Variants in P4HB observed in about 807,000 individuals in gnomAD.
The protein encoded by P4HB is protein disulfide-isomerase.
In P4HB, 20 loss-of-function variants were observed where a neutral mutation model predicts 52.6. The ratio of observed to expected loss-of-function variants is 0.38; its 90% CI spans 0.27 to 0.55. P4HB has a LOEUF of 0.55. P4HB is among the 20% of genes least tolerant of loss of function. The pLI, the probability that P4HB is intolerant of heterozygous loss-of-function variation, is 0.74. For synonymous variants in P4HB, 296 were observed against 277.9 expected, an observed-to-expected ratio of 1.07 and a Z score of -0.65; for missense variants, 601 against 669.2, an observed-to-expected ratio of 0.90 and a Z score of 1.12.
chr17:81,846,354 G>T lies in P4HB; in HGVS notation c.1056+75C>A. On this transcript the variant is annotated intron_variant, in intron 7 of 10. Transcript: ENST00000331483. The surrounding 1 kb of genome is among the most constrained non-coding windows in gnomAD (Gnocchi z 5.7). ...ATCTTACTTTGAGGACGAAGCCCAG[G>T]ACACTGAGAGCCCAGAGACCCCAAG... 7.4e-7 allele frequency: 1 copy of T among 1,345,406 alleles called. No homozygotes were observed. The allele number at this position is 1,345,406 out of a possible 1,614,324, so 83.3% of individuals were successfully genotyped here.
In P4HB at chr17:81,855,623, G is replaced by A; in HGVS notation, c.353-37C>T. On this transcript the variant is annotated intron_variant, in intron 2 of 10. Coordinates refer to ENST00000331483, the MANE Select transcript of P4HB (RefSeq NM_000918.4). The surrounding 1 kb of genome is among the most constrained non-coding windows in gnomAD (Gnocchi z 4.3). ...CAAATGTAGGTTCTACTCTCAAACA[G>A]GGAGTGCCGCCTGCCCTGCCGCGCC... 1.9e-6 allele frequency: 3 copies of A among 1,595,360 alleles called. No homozygotes were observed. The highest frequency in any genetic ancestry group is 1.7e-6 in the Non-Finnish European group (2 of 1,168,744).
Position 81,846,201 on chromosome 17 carries a change from G to A in P4HB, c.1057-210C>T, listed in dbSNP as rs1208490004. 1.3e-5 allele frequency among the ~76,000 whole-genome samples: 2 copies of A among 152,222 alleles called. No homozygotes were observed. The highest frequency in any genetic ancestry group is 6.5e-5 in the Admixed American group (1 of 15,284). On this transcript the variant is annotated intron_variant, in intron 7 of 10. Transcript: ENST00000331483. This position sits in a 1 kb window ranked among gnomAD's most constrained non-coding sequence, Gnocchi z 5.7. ...AGCCCACGCAGGCCGCACCCTCGCC[G>A]GCCAGGAGGTTTCCCTGAGGAGCAT...
intron 4 of P4HB, among the ~76,000 whole-genome samples, chr17:81,852,558 A>G (rs1163162089): frequency 1.3e-5 from 2 of 152,266 alleles, no homozygotes; most frequent in African/African-American, 4.8e-5. Flanking sequence ...GCTGCCTGCA[A>G]CGACCACGTT....
At chr17:81,857,251 G>A (rs1228052973) in intron 2 of P4HB, among the ~76,000 whole-genome samples, 1 of 152,094 alleles carries the variant, frequency 6.6e-6, no homozygotes, top group Non-Finnish European at 1.5e-5. Context: ...AGGTTCAAGG[G>A]ATTCTCCTGT....
chr17:81,846,264 C>T lies in P4HB; in HGVS notation c.1056+165G>A. ...TGTGGACAAGAGGGCTCCTACAGGTCCCCAAAGGTGTGACAAGAATGGTGG... is the reference window on the plus strand; with the variant it reads ...TGTGGACAAGAGGGCTCCTACAGGTTCCCAAAGGTGTGACAAGAATGGTGG... On this transcript the variant is annotated intron_variant, in intron 7 of 10. Coordinates refer to ENST00000331483, the MANE Select transcript of P4HB (RefSeq NM_000918.4). This position sits in a 1 kb window ranked among gnomAD's most constrained non-coding sequence, Gnocchi z 5.7. 2 of 729,158 alleles carry T rather than the reference C, an allele frequency of 2.7e-6. No homozygotes were observed. The highest frequency in any genetic ancestry group is 4.5e-6 in the Non-Finnish European group (2 of 444,310). The allele number at this position is 729,158 out of a possible 1,614,324, so 45.2% of individuals were successfully genotyped here.
chr17:81,855,331 G>A lies in P4HB; in HGVS notation c.487-52C>T, dbSNP rs2038896103. ...CGTCATGATCCCGCAGCACCAAGCA[G>A]TAGGGCAGACCCTGTAGAGCCCAGG... On this transcript the variant is annotated intron_variant, in intron 3 of 10. Coordinates refer to ENST00000331483, the MANE Select transcript of P4HB (RefSeq NM_000918.4). This position sits in a 1 kb window ranked among gnomAD's most constrained non-coding sequence, Gnocchi z 4.3. 2.5e-6 allele frequency: 4 copies of A among 1,611,962 alleles called. No individual in the cohort carries two copies. The highest frequency in any genetic ancestry group is 1.1e-5 in the South Asian group (1 of 90,946).
intron 2 of P4HB, 102 bp downstream of exon 2, chr17:81,859,079 G>C: frequency 9.4e-7 from 1 of 1,059,668 alleles, no homozygotes; most frequent in Non-Finnish European, 1.4e-6. Context: ...CCAAGCCTCT[G>C]GAACCCGGCC....
intron 8 of P4HB, 33 bp from the exon 9 acceptor site, chr17:81,845,775 G>A: frequency 6.2e-7 from 1 of 1,612,748 alleles, no homozygotes; most frequent in South Asian, 1.1e-5. Context: ...GTGTGTCCTG[G>A]ACACAAAGCC....
intron 2 of P4HB, among the ~76,000 whole-genome samples, chr17:81,857,236 C>T (rs1310625001): frequency 2.6e-5 from 4 of 152,300 alleles, no homozygotes; most frequent in East Asian, 1.9e-4. Flanking sequence ...GCAACCTTAC[C>T]TCCCAGGTTC....
chr17:81,855,434 G>A lies in P4HB; in HGVS notation c.486+19C>T, dbSNP rs767119569. On this transcript the variant is annotated intron_variant, in intron 3 of 10. Transcript: ENST00000331483. The surrounding 1 kb of genome is among the most constrained non-coding windows in gnomAD (Gnocchi z 4.3). ...ATGGATGACGGAAGGAAGGAAGACT[G>A]GAATGCTCTGGTCTCTACCTTGAAG... 1.4e-5 allele frequency: 22 copies of A among 1,603,210 alleles called. No homozygotes were observed. The highest frequency in any genetic ancestry group is 1.8e-5 in the Non-Finnish European group (21 of 1,172,740).
At position 81,855,293 on chromosome 17, in the gene P4HB, G is replaced by A. The variant is rs763644793; in HGVS notation, c.487-14C>T. 6 of 1,613,574 alleles carry A rather than the reference G, an allele frequency of 3.7e-6. No homozygotes were observed. Among genetic ancestry groups the A allele is most frequent in the South Asian group, 2.2e-5 (2 of 91,074 alleles). On this transcript the variant is annotated splice_polypyrimidine_tract_variant and intron_variant, in intron 3 of 10. Transcript: ENST00000331483. This position sits in a 1 kb window ranked among gnomAD's most constrained non-coding sequence, Gnocchi z 4.3. ...CGACTCCACGTCCTGAATGAGGAGG[G>A]AGAAGCAGAGGTCGTCATGATCCCG...
At chr17:81,844,839 A>G (rs1269926197) in intron 10 of P4HB, among the ~76,000 whole-genome samples, 1 of 152,264 alleles carries the variant, frequency 6.6e-6, no homozygotes, top group African/African-American at 2.4e-5. Context: ...TCTGAGTCCA[A>G]GTTAGCAGCA....
chr17:81,850,815 A>G (rs1196414775), intron 4 of P4HB, among the ~76,000 whole-genome samples: 1 of 152,022 alleles, frequency 6.6e-6, no homozygotes, highest in Non-Finnish European at 1.5e-5. Flanking sequence ...CTTTTTGTAG[A>G]GACAGTCTTA....
At chr17:81,849,518 T>C (rs1365986471) in intron 4 of P4HB, among the ~76,000 whole-genome samples, 2 of 151,858 alleles carry the variant, frequency 1.3e-5, no homozygotes, top group Non-Finnish European at 2.9e-5. Flanking sequence ...TAAAAATAAA[T>C]AGAGAGAAAA....
At chr17:81,851,166 G>C (rs1011276214) in intron 4 of P4HB, among the ~76,000 whole-genome samples, 11 of 152,098 alleles carry the variant, frequency 7.2e-5, no homozygotes, top group Non-Finnish European at 1.6e-4. Flanking sequence ...TCCTGACCTC[G>C]TGACCCGCCC....
intron 4 of P4HB, among the ~76,000 whole-genome samples, chr17:81,850,367 C>T (rs868232823): frequency 2.0e-5 from 3 of 151,546 alleles, no homozygotes; most frequent in South Asian, 4.2e-4. Context: ...AACTCCCGAC[C>T]TCAGGTGATC....
rs1007569336 is a variant in P4HB at position 81,846,116 on chromosome 17, G to A, written c.1057-125C>T. On this transcript the variant is annotated intron_variant, in intron 7 of 10. Transcript: ENST00000331483. This position sits in a 1 kb window ranked among gnomAD's most constrained non-coding sequence, Gnocchi z 5.7. ...TGGGCACACCAGGGTGGCAGCCGCA[G>A]ACACCAACAGTGCCAAGAATCCAGA... is the stretch of plus-strand genomic sequence containing the variant. 139 of 1,209,736 alleles carry A rather than the reference G, an allele frequency of 1.1e-4. No homozygotes were observed. The highest frequency in any genetic ancestry group is 1.5e-4 in the Non-Finnish European group (130 of 892,764). The allele number at this position is 1,209,736 out of a possible 1,614,324, so 74.9% of individuals were successfully genotyped here.
chr17:81,851,829 T>G (rs1021738807), intron 4 of P4HB, among the ~76,000 whole-genome samples: 2 of 152,158 alleles, frequency 1.3e-5, no homozygotes, highest in Admixed American at 1.3e-4. Context: ...CTGGTCCACT[T>G]AGCAGGGCAC....
In P4HB at chr17:81,846,915, C is replaced by T. The variant is rs764782446; in HGVS notation, c.855+32G>A. ...GAAGAGTTGTACTGCTCCCTGGCAC[C>T]GCCCCACGAGCCACCCAGAAGAGCA... On this transcript the variant is annotated intron_variant, in intron 6 of 10. Transcript: ENST00000331483. The surrounding 1 kb of genome is among the most constrained non-coding windows in gnomAD (Gnocchi z 5.7). 15 of 1,612,240 alleles carry T rather than the reference C, an allele frequency of 9.3e-6. No individual in the cohort carries two copies. The highest frequency in any genetic ancestry group is 5.0e-5 in the Admixed American group (3 of 60,010).
Sources: gnomAD v4.1 joint callset for allele counts (sites outside exome capture counted in the v4.1 genomes callset) on GRCh38, gnomAD v4.1.1 for gene constraint, Gnocchi (gnomAD v3.1) non-coding constraint, MANE v1.5 for transcripts, NCBI Gene and HGNC (gene_info 2026-07-23, HGNC 2026-07-21) for gene names.